The following CCDC102B variants were observed in gnomAD, a reference collection of about 807,000 sequenced individuals.
CCDC102B encodes coiled-coil domain containing 102B.
CCDC102B carries 75 observed loss-of-function variants against 57.4 expected under a neutral mutation model. That is an observed-to-expected ratio of 1.31 (90% CI 1.08 to 1.58). The LOEUF is 1.58. CCDC102B is among the 40% of genes most tolerant of loss of function. The pLI is 0.00. For synonymous variants in CCDC102B, 206 were observed against 201.9 expected, an observed-to-expected ratio of 1.02 and a Z score of -0.17; for missense variants, 636 against 582.6, an observed-to-expected ratio of 1.09 and a Z score of -0.94.
intron 1 of CCDC102B, among the ~76,000 whole-genome samples, chr18:68,826,016 T>C (rs916575663): frequency 6.6e-6 from 1 of 152,208 alleles, no homozygotes; most frequent in Admixed American, 6.5e-5. Context: ...ACCTAGAATA[T>C]TTCTCTCGTT....
intron 7 of CCDC102B, among the ~76,000 whole-genome samples, chr18:69,053,180 G>A (rs2052750312): frequency 6.6e-6 from 1 of 151,780 alleles, no homozygotes; most frequent in South Asian, 2.1e-4. Context: ...AGAGGACAAA[G>A]AGACCACAGA....
At chr18:69,014,245 C>G (rs180867107) in intron 7 of CCDC102B, among the ~76,000 whole-genome samples, 1 of 152,224 alleles carries the variant, frequency 6.6e-6, no homozygotes, top group Non-Finnish European at 1.5e-5. Context: ...TAACATAATC[C>G]TTTGTTCCTC....
At chr18:69,049,859 G>A (rs1452553392) in intron 7 of CCDC102B, among the ~76,000 whole-genome samples, 1 of 151,834 alleles carries the variant, frequency 6.6e-6, no homozygotes, top group Non-Finnish European at 1.5e-5. Context: ...GCCCAGGCTG[G>A]AGTGCAGTGG....
chr18:68,809,252 A>G (rs2144705536), intron 1 of CCDC102B, among the ~76,000 whole-genome samples: 1 of 152,320 alleles, frequency 6.6e-6, no homozygotes, highest in East Asian at 1.9e-4. Context: ...AAATATTTTG[A>G]GAAATTTTAG....
intron 6 of CCDC102B, among the ~76,000 whole-genome samples, chr18:68,956,088 G>A (rs2049838055): frequency 1.3e-5 from 2 of 151,240 alleles, no homozygotes; most frequent in Admixed American, 6.6e-5. Context: ...TGCCTGGCTT[G>A]TTTCGCTTAA....
chr18:68,736,086 TG>T (rs1286646534), intron 2 of CCDC102B, among the ~76,000 whole-genome samples: 1 of 152,256 alleles, frequency 6.6e-6, no homozygotes, highest in Non-Finnish European at 1.5e-5. Context: ...AACAATACTT[TG>T]TCACTGTATA....
chr18:68,779,220 G>C (rs927979178), intron 2 of CCDC102B, among the ~76,000 whole-genome samples: 3 of 152,128 alleles, frequency 2.0e-5, no homozygotes, highest in Non-Finnish European at 2.9e-5. Flanking sequence ...GTTTTTATAG[G>C]TGTGTGAGCT....
At chr18:68,956,451 AT>A (rs1230130317) in intron 6 of CCDC102B, among the ~76,000 whole-genome samples, 12 of 22,844 alleles carry the variant, frequency 5.3e-4, no homozygotes, top group African/African-American at 2.7e-3. Context: ...TATTATATAT[AT>A]TATATATTTT....
At chr18:68,993,191 G>C (rs1305882890) in intron 6 of CCDC102B, 1 of 154,688 alleles carries the variant, frequency 6.5e-6, no homozygotes, top group Non-Finnish European at 1.5e-5. Flanking sequence ...CCTTTAGATA[G>C]GGGTTTGACT....
chr18:68,776,834 A>G (rs2034835860), intron 2 of CCDC102B, among the ~76,000 whole-genome samples: 1 of 152,196 alleles, frequency 6.6e-6, no homozygotes, highest in Non-Finnish European at 1.5e-5. Context: ...AGACTTATTG[A>G]TACACATTGA....
intron 4 of CCDC102B, among the ~76,000 whole-genome samples, chr18:68,871,615 TTTTA>T (rs1457616037): frequency 6.6e-6 from 1 of 152,090 alleles, no homozygotes; most frequent in African/African-American, 2.4e-5. Flanking sequence ...TTGTATAATA[TTTTA>T]TTTATTACTT....
intron 2 of CCDC102B, among the ~76,000 whole-genome samples, chr18:68,728,794 G>A (rs1251456846): frequency 6.6e-6 from 1 of 152,086 alleles, no homozygotes; most frequent in Non-Finnish European, 1.5e-5. Flanking sequence ...AATTGGATGA[G>A]AAGTTCAATA....
At chr18:68,936,861 T>TAC (rs370419147) in intron 6 of CCDC102B, among the ~76,000 whole-genome samples, 54 of 145,300 alleles carry the variant, frequency 3.7e-4, no homozygotes, top group East Asian at 1.6e-3. Flanking sequence ...TATACACATA[T>TAC]ACACACACAC....
intron 6 of CCDC102B, among the ~76,000 whole-genome samples, chr18:68,972,195 C>T (rs2050318468): frequency 6.6e-6 from 1 of 152,184 alleles, no homozygotes; most frequent in Non-Finnish European, 1.5e-5. Flanking sequence ...GGCTACTCTT[C>T]GTCCTTGCTT....
chr18:69,025,270 G>A (rs1160714887), intron 7 of CCDC102B, among the ~76,000 whole-genome samples: 1 of 152,036 alleles, frequency 6.6e-6, no homozygotes, highest in East Asian at 1.9e-4. Flanking sequence ...AAGATCGTTG[G>A]CAGAAATCTT....
chr18:68,851,971 A>G (rs1457216184), intron 4 of CCDC102B, among the ~76,000 whole-genome samples: 1 of 152,176 alleles, frequency 6.6e-6, no homozygotes, highest in Non-Finnish European at 1.5e-5. Flanking sequence ...TTTTCTTATC[A>G]GAAGTCTTTA....
At chr18:69,011,423 C>A (rs774952837) in intron 7 of CCDC102B, among the ~76,000 whole-genome samples, 1 of 151,426 alleles carries the variant, frequency 6.6e-6, no homozygotes, top group South Asian at 2.1e-4. Flanking sequence ...ATCATTAAAG[C>A]TTGGGTGTTT....
chr18:69,055,426 A>G (rs1253209972), downstream of CCDC102B, among the ~76,000 whole-genome samples: 1 of 151,292 alleles, frequency 6.6e-6, no homozygotes, highest in African/African-American at 2.4e-5. Flanking sequence ...TTTGCTTAAC[A>G]CTCCTCCTGT....
chr18:68,855,586 C>G lies in CCDC102B; in HGVS notation c.936+9165C>G, dbSNP rs149777001. The stretch of plus-strand genomic sequence containing the variant: ...TCAACTGTAGAATATTTTCATCAGT[C>G]CAAGAAGAACTCAGTGTATATGAAT... On this transcript the variant is annotated intron_variant, in intron 4 of 7. Coordinates refer to ENST00000360242, the MANE Select transcript of CCDC102B (RefSeq NM_024781.3). 8.5e-5 allele frequency among the ~76,000 whole-genome samples: 13 copies of G among 152,202 alleles called. No individual in the cohort carries two copies. The East Asian group carries it at 2.5e-3, about 29-fold the overall frequency.
Sources: allele counts gnomAD v4.1 joint callset (sites outside exome capture counted in the v4.1 genomes callset), GRCh38; gene constraint gnomAD v4.1.1; transcripts MANE v1.5; gene names NCBI Gene and HGNC (gene_info 2026-07-23, HGNC 2026-07-21).